EFCAB7: variants seen among roughly 807,000 people sequenced by gnomAD.
EFCAB7 encodes EF-hand calcium binding domain 7.
Under a neutral mutation model 77.1 loss-of-function variants are expected in EFCAB7, and 66 were observed. The ratio of observed to expected loss-of-function variants is 0.86; its 90% confidence interval spans 0.70 to 1.05. The LOEUF is 1.05. Ranked by LOEUF, EFCAB7 falls within the 50% of genes least tolerant of loss-of-function variation. The probability of loss-of-function intolerance (pLI) is 0.00; values close to 1 mark genes in which losing one functional copy is unlikely to be tolerated. For missense variants in EFCAB7, 638 were observed against 730.5 expected, an observed-to-expected ratio of 0.87 and a Z score of 1.46; for synonymous variants, 225 against 243.3, an observed-to-expected ratio of 0.92 and a Z score of 0.70.
intron 7 of EFCAB7, chr1:63,548,894 G>A (rs1646931013): frequency 6.5e-6 from 1 of 154,170 alleles, no homozygotes; most frequent in Non-Finnish European, 1.4e-5. Flanking sequence ...TTAGGTTACT[G>A]TATTGAAAGT....
At chr1:63,570,927 G>A (rs1259221139) in intron 12 of EFCAB7, 94 bp from the exon 13 acceptor site, 1 of 846,412 alleles carries the variant, frequency 1.2e-6, no homozygotes, top group African/African-American at 1.7e-5. Context: ...ACTATATGAT[G>A]TTAAAACAGA....
At chr1:63,556,721 T>C (rs1185612201) in intron 9 of EFCAB7, among the ~76,000 whole-genome samples, 5 of 152,122 alleles carry the variant, frequency 3.3e-5, no homozygotes, top group Non-Finnish European at 1.5e-5. Context: ...TTGAATGTTA[T>C]CCTCATAGAA....
Position 63,525,690 on chromosome 1 carries a change from A to G in EFCAB7, c.118A>G (p.Arg40Gly). Residue 40 changes from arginine to glycine, a missense_variant, in exon 2 of 14, where the codon AGA becomes GGA. Arg to Gly is a moderately radical substitution (Grantham distance 125). Coordinates refer to ENST00000371088, the MANE Select transcript of EFCAB7 (RefSeq NM_032437.4). ...AGAGGAAATATTTTATATGAATTGT[A>G]GAGCTGCCTACTTAACTGTCTTCAA... ...TEEEIFYMNC[R>G]AAYLTVFKSS... The G allele has an allele frequency of 6.2e-7, 1 of 1,600,346 alleles. No homozygotes were observed. Among genetic ancestry groups the G allele is most frequent in the Non-Finnish European group, 8.5e-7 (1 of 1,177,080 alleles).
chr1:63,562,449 T>TTATATATATATA (rs869302346), intron 11 of EFCAB7, among the ~76,000 whole-genome samples: 75 of 22,380 alleles, frequency 3.4e-3, no homozygotes, highest in Non-Finnish European at 4.5e-3. Flanking sequence ...CTTAATTTAT[T>TTATATATATATA]TATATATATA....
chr1:63,553,614 A>G (rs1646993021), intron 8 of EFCAB7, among the ~76,000 whole-genome samples: 1 of 152,202 alleles, frequency 6.6e-6, no homozygotes, highest in South Asian at 2.1e-4. Flanking sequence ...CTGGGATTAC[A>G]GGCTTGAGCC....
At chr1:63,555,539 G>A (rs746973960) in intron 9 of EFCAB7, 24 bp downstream of exon 9, 1 of 1,597,338 alleles carries the variant, frequency 6.3e-7, no homozygotes, top group Non-Finnish European at 8.6e-7. Context: ...ATTAATGTTA[G>A]AATTATAACA....
the EFCAB7 span, among the ~76,000 whole-genome samples, chr1:63,582,222 T>G: frequency 2.6e-5 from 4 of 152,234 alleles, no homozygotes; most frequent in Non-Finnish European, 5.9e-5. Flanking sequence ...TGTCTAACAC[T>G]ATGGGACCCA....
chr1:63,533,877 C>G (rs993810922), intron 5 of EFCAB7, among the ~76,000 whole-genome samples: 1 of 152,052 alleles, frequency 6.6e-6, no homozygotes, highest in Non-Finnish European at 1.5e-5. Context: ...AAATTTCAGA[C>G]TGAAAGGTGA....
chr1:63,572,695 TGTGTG>T (rs1647301470), downstream of EFCAB7: 1 of 986,000 alleles, frequency 1.0e-6, no homozygotes, highest in African/African-American at 1.7e-5. Flanking sequence ...ATGCTTTCAT[TGTGTG>T]GTGTTCTTAT....
downstream of EFCAB7, among the ~76,000 whole-genome samples, chr1:63,576,671 A>T (rs28859313): frequency 7.7e-5 from 10 of 129,446 alleles, no homozygotes; most frequent in South Asian, 2.3e-4. Context: ...AAATAAAATT[A>T]AAAAAAAAAA....
intron 2 of EFCAB7, among the ~76,000 whole-genome samples, chr1:63,528,171 C>T (rs745759639): frequency 4.6e-5 from 7 of 152,002 alleles, no homozygotes; most frequent in Non-Finnish European, 8.8e-5. Flanking sequence ...TTGGAAGCAA[C>T]GTAAGAGTTC....
intron 6 of EFCAB7, among the ~76,000 whole-genome samples, chr1:63,544,812 T>C (rs1646876422): frequency 6.6e-6 from 1 of 152,254 alleles, no homozygotes; most frequent in Admixed American, 6.5e-5. Flanking sequence ...ATATTTCTTT[T>C]AGCAATCCTT....
At chr1:63,542,089 A>G (rs1298025977) in intron 6 of EFCAB7, among the ~76,000 whole-genome samples, 1 of 152,200 alleles carries the variant, frequency 6.6e-6, no homozygotes, top group Non-Finnish European at 1.5e-5. Context: ...TCATTAAACA[A>G]TGACTCCCCA....
At chr1:63,531,713 A>G (rs1203634200) in intron 2 of EFCAB7, 107 bp from the exon 3 acceptor site, 5 of 952,402 alleles carry the variant, frequency 5.2e-6, no homozygotes, top group Admixed American at 2.5e-5. Context: ...TGGTATATGT[A>G]TAGTGTTTTG....
chr1:63,531,679 T>G (rs1034322715), intron 2 of EFCAB7, 141 bp from the exon 3 acceptor site: 6 of 743,474 alleles, frequency 8.1e-6, no homozygotes, highest in Admixed American at 3.3e-5. Flanking sequence ...TATCACTAGA[T>G]AAGTCAACAC....
At chr1:63,559,256 CA>C (rs1647065460) in intron 10 of EFCAB7, among the ~76,000 whole-genome samples, 2 of 124,854 alleles carry the variant, frequency 1.6e-5, no homozygotes, top group African/African-American at 6.2e-5. Flanking sequence ...GAGCCAAAAT[CA>C]TGCTGCTGCA....
At chr1:63,528,846 G>C (rs1646643821) in intron 2 of EFCAB7, among the ~76,000 whole-genome samples, 2 of 152,060 alleles carry the variant, frequency 1.3e-5, no homozygotes, top group South Asian at 4.1e-4. Flanking sequence ...CCATGATTCA[G>C]TTAACCACTC....
At chr1:63,571,495 GAAACCCCATCTCTACAAAAATAC>G (rs1488247728) in intron 13 of EFCAB7, among the ~76,000 whole-genome samples, 30 of 152,010 alleles carry the variant, frequency 2.0e-4, no homozygotes, top group African/African-American at 7.0e-4. Flanking sequence ...CCAACATGGT[GAAACCCCATCTCTACAAAAATAC>G]AAAAATTAGC....
intron 7 of EFCAB7, chr1:63,548,277 G>A (rs1333436388): frequency 6.6e-6 from 1 of 152,214 alleles, no homozygotes; most frequent in Non-Finnish European, 1.5e-5. Context: ...GACAAAATCA[G>A]GAAGAGGTTT....
Sources: allele counts gnomAD v4.1 joint callset (sites outside exome capture counted in the v4.1 genomes callset), GRCh38; gene constraint gnomAD v4.1.1; transcripts MANE v1.5; gene names NCBI Gene and HGNC (gene_info 2026-07-23, HGNC 2026-07-21).